The following MACROD2 variants were observed in gnomAD, a reference collection of about 807,000 sequenced individuals.
MACROD2 encodes the protein mono-ADP ribosylhydrolase 2, also known as ADP-ribose glycohydrolase MACROD2.
A neutral mutation model predicts 70.4 loss-of-function variants in MACROD2; 36 were observed. The observed-to-expected ratio is 0.51, with a 90% confidence interval of 0.39 to 0.68. The LOEUF (loss-of-function observed/expected upper bound fraction) is 0.68, where lower values mean the gene tolerates loss of function less well. MACROD2 is among the 30% of genes least tolerant of loss of function. The pLI is 0.00. For missense variants in MACROD2, 496 were observed against 538.4 expected, an observed-to-expected ratio of 0.92 and a Z score of 0.78; for synonymous variants, 172 against 178.8, an observed-to-expected ratio of 0.96 and a Z score of 0.30.
intron 6 of MACROD2, among the ~76,000 whole-genome samples, chr20:15,305,136 C>T (rs1020107500): frequency 2.0e-5 from 3 of 152,104 alleles, no homozygotes; most frequent in African/African-American, 7.2e-5. Flanking sequence ...CCATGTGTGA[C>T]CCTGGGCTGG....
chr20:15,876,091 T>TTATATATATATATATATATATATA (rs752542911), intron 9 of MACROD2, among the ~76,000 whole-genome samples: 10 of 33,098 alleles, frequency 3.0e-4, no homozygotes, highest in East Asian at 4.0e-3. Context: ...TACATGTCTT[T>TTATATATATATATATATATATATA]TATATATATA....
At chr20:14,035,338 T>C (rs2053294389) in intron 2 of MACROD2, among the ~76,000 whole-genome samples, 2 of 152,208 alleles carry the variant, frequency 1.3e-5, no homozygotes, top group Admixed American at 1.3e-4. Context: ...ATGATAGTAA[T>C]TTTACTGTTT....
chr20:14,663,556 ATG>A (rs35524909), intron 4 of MACROD2, among the ~76,000 whole-genome samples: 38 of 145,450 alleles, frequency 2.6e-4, no homozygotes, highest in African/African-American at 8.9e-4. Flanking sequence ...ACACACACAC[ATG>A]CACACATATA....
chr20:14,562,528 C>T (rs1979505697), intron 4 of MACROD2, among the ~76,000 whole-genome samples: 1 of 151,198 alleles, frequency 6.6e-6, no homozygotes. Flanking sequence ...ATTGCACCCA[C>T]AACACATTTG....
chr20:14,638,858 G>C (rs1984931114), intron 4 of MACROD2, among the ~76,000 whole-genome samples: 1 of 151,716 alleles, frequency 6.6e-6, no homozygotes, highest in African/African-American at 2.4e-5. Flanking sequence ...GCTGAGGCAG[G>C]AGAATCACTT....
intron 7 of MACROD2, among the ~76,000 whole-genome samples, chr20:15,471,812 T>C (rs758702875): frequency 6.6e-6 from 1 of 152,152 alleles, no homozygotes; most frequent in Non-Finnish European, 1.5e-5. Flanking sequence ...CCAACTCTTC[T>C]ACCTCTTTCT....
intron 5 of MACROD2, among the ~76,000 whole-genome samples, chr20:15,102,196 C>G (rs1261760117): frequency 6.6e-6 from 1 of 151,844 alleles, no homozygotes; most frequent in Non-Finnish European, 1.5e-5. Context: ...ATCCTAACAG[C>G]TCACAAATAA....
intron 3 of MACROD2, among the ~76,000 whole-genome samples, chr20:14,272,504 T>C (rs2082205509): frequency 6.6e-6 from 1 of 151,702 alleles, no homozygotes; most frequent in Admixed American, 6.6e-5. Context: ...GCACTAAACA[T>C]GGAAAGGAAC....
chr20:15,678,373 T>C (rs2050102618), intron 8 of MACROD2, among the ~76,000 whole-genome samples: 1 of 151,750 alleles, frequency 6.6e-6, no homozygotes, highest in Non-Finnish European at 1.5e-5. Flanking sequence ...CTTTTTTTTT[T>C]TTTTGAGACG....
At chr20:15,905,975 G>A (rs2065141655) in intron 10 of MACROD2, among the ~76,000 whole-genome samples, 1 of 152,220 alleles carries the variant, frequency 6.6e-6, no homozygotes, top group African/African-American at 2.4e-5. Flanking sequence ...TCCGTAGACA[G>A]AAAATGCTAG....
intron 3 of MACROD2, among the ~76,000 whole-genome samples, chr20:14,174,978 A>G (rs930555524): frequency 2.6e-5 from 4 of 152,142 alleles, no homozygotes. Flanking sequence ...TGTGTGTTCC[A>G]GGGCAGATGA....
chr20:15,274,538 C>T (rs911282750), intron 6 of MACROD2, among the ~76,000 whole-genome samples: 6 of 152,174 alleles, frequency 3.9e-5, no homozygotes, highest in Non-Finnish European at 5.9e-5. Flanking sequence ...GCTACCAGTG[C>T]GACAGTAGAC....
chr20:15,094,873 A>G (rs1330132840), intron 5 of MACROD2, among the ~76,000 whole-genome samples: 1 of 152,116 alleles, frequency 6.6e-6, no homozygotes, highest in Non-Finnish European at 1.5e-5. Context: ...GACATCAATG[A>G]GAGATCTATA....
intron 7 of MACROD2, among the ~76,000 whole-genome samples, chr20:15,440,406 G>T (rs2046480086): frequency 6.6e-6 from 1 of 152,110 alleles, no homozygotes; most frequent in Non-Finnish European, 1.5e-5. Context: ...AGATCACCTG[G>T]TCTCTTTCTG....
chr20:15,354,243 C>G (rs6079778), intron 6 of MACROD2, among the ~76,000 whole-genome samples: 3 of 151,612 alleles, frequency 2.0e-5, no homozygotes, highest in Non-Finnish European at 4.4e-5. Context: ...AGCAAACTAT[C>G]GCAAGGACAA....
At position 15,880,290 on chromosome 20, in the gene MACROD2, C is replaced by T. The variant is rs971732729; in HGVS notation, c.728-5474C>T. Among the ~76,000 whole-genome samples the T allele has an allele frequency of 3.9e-5, 6 of 152,000 alleles. No homozygotes were observed. The East Asian group carries it at 5.8e-4, about 15-fold the overall frequency. On this transcript the variant is annotated intron_variant, in intron 9 of 17. Transcript: ENST00000684519. ...TAACTCTTCCTTTGGCCATTCATAG[C>T]TAGTTTTATTTCCTTAAAAACATCT...
At chr20:15,668,124 G>T (rs560953825) in intron 8 of MACROD2, among the ~76,000 whole-genome samples, 1 of 151,850 alleles carries the variant, frequency 6.6e-6, no homozygotes, top group East Asian at 1.9e-4. Flanking sequence ...GCTGGGCATG[G>T]TGGCAGGTGT....
At chr20:14,069,571 G>T (rs1185912942) in intron 2 of MACROD2, among the ~76,000 whole-genome samples, 1 of 149,988 alleles carries the variant, frequency 6.7e-6, no homozygotes, top group Non-Finnish European at 1.5e-5. Flanking sequence ...TTACTGAAAT[G>T]GCATTAAAAA....
Position 15,419,820 on chromosome 20 carries a change from G to A in MACROD2, c.541-11585G>A, listed in dbSNP as rs556468829. Among the ~76,000 whole-genome samples the A allele has an allele frequency of 1.5e-3, 227 of 152,250 alleles. 1 individual carries two copies. The highest frequency in any genetic ancestry group is 4.9e-3 in the African/African-American group (205 of 41,530). On this transcript the variant is annotated intron_variant, in intron 6 of 17. Transcript: ENST00000684519. ...CCTTAATTATGAGGAAGATGGAGAG[G>A]GGATACTTACAAAATTAGAGGTGAT... is the stretch of plus-strand genomic sequence containing the variant.
Sources: allele counts gnomAD v4.1 joint callset (sites outside exome capture counted in the v4.1 genomes callset), GRCh38; gene constraint gnomAD v4.1.1; transcripts MANE v1.5; gene names NCBI Gene and HGNC (gene_info 2026-07-23, HGNC 2026-07-21).